PRKAR1A: variants seen among roughly 807,000 people sequenced by gnomAD.
PRKAR1A encodes the protein cAMP-dependent protein kinase type I-alpha regulatory subunit.
PRKAR1A carries 3 observed loss-of-function variants against 52.0 expected under a neutral mutation model. The observed-to-expected ratio is 0.06, with a 90% CI of 0.03 to 0.15. PRKAR1A has a LOEUF of 0.15. PRKAR1A is among the 10% of genes least tolerant of loss of function. PRKAR1A has a pLI of 1.00. For missense variants in PRKAR1A, 240 were observed against 477.4 expected, an observed-to-expected ratio of 0.50 and a Z score of 4.63; for synonymous variants, 188 against 168.4, an observed-to-expected ratio of 1.12 and a Z score of -0.90.
chr17:68,470,410 C>T, the PRKAR1A span, among the ~76,000 whole-genome samples: 17 of 152,294 alleles, frequency 1.1e-4, no homozygotes, highest in African/African-American at 3.6e-4. Context: ...ATAGTTTTGA[C>T]TTCATAGATG....
At chr17:68,432,582 T>C in the PRKAR1A span, among the ~76,000 whole-genome samples, 20 of 152,120 alleles carry the variant, frequency 1.3e-4, 1 homozygote, top group South Asian at 3.7e-3. Flanking sequence ...GTCATGTATG[T>C]GTTAGCATGT....
At chr17:68,472,487 T>G in the PRKAR1A span, among the ~76,000 whole-genome samples, 1 of 152,132 alleles carries the variant, frequency 6.6e-6, no homozygotes, top group Admixed American at 6.5e-5. Flanking sequence ...AAACGTAGGG[T>G]TTCCTGTCCA....
In PRKAR1A at chr17:68,530,899, A is replaced by G. The variant is rs1568704681; in HGVS notation, c.*450A>G. ...AATAAATGGTTTCTCATTAAACTCT[A>G]AAGATTAGGGAAAATGGATATAGAA... On this transcript the variant is annotated 3_prime_UTR_variant, in exon 11 of 11. Transcript: ENST00000589228. 2.7e-6 allele frequency: 3 copies of G among 1,125,568 alleles called. No homozygotes were observed. Among genetic ancestry groups the G allele is most frequent in the Middle Eastern group, 3.9e-4 (1 of 2,586 alleles). The allele number at this position is 1,125,568 out of a possible 1,614,324, so 69.7% of individuals were successfully genotyped here. A position where few individuals can be genotyped will look rare whatever the true frequency, so the allele number is the denominator to read the frequency against.
At chr17:68,452,556 C>T in the PRKAR1A span, among the ~76,000 whole-genome samples, 1 of 152,108 alleles carries the variant, frequency 6.6e-6, no homozygotes, top group Non-Finnish European at 1.5e-5. Context: ...TAGAGCAAGA[C>T]TCCATCTCAA....
rs1333110264 is a variant in PRKAR1A, at chr17:68,512,473, G to A, written c.-82G>A. On this transcript the variant is annotated 5_prime_UTR_variant, in exon 1 of 11. Transcript: ENST00000589228. Reference sequence around the variant, plus strand: ...CTATCGCAGAGTGGAGCGGGGCTGGGAGCAAAGCGCTGAGGGAGCTCGGTA... The same window carrying A: ...CTATCGCAGAGTGGAGCGGGGCTGGAAGCAAAGCGCTGAGGGAGCTCGGTA... 1.3e-5 allele frequency: 2 copies of A among 153,706 alleles called. No homozygotes were observed. The highest frequency in any genetic ancestry group is 4.8e-5 in the African/African-American group (2 of 41,456). The allele number at this position is 153,706 out of a possible 1,614,324, so 9.5% of individuals were successfully genotyped here.
At chr17:68,465,082 CG>C in the PRKAR1A span, among the ~76,000 whole-genome samples, 36,370 of 131,716 alleles carry the variant, frequency 0.28, 4,847 homozygotes, top group South Asian at 0.34. Context: ...CCCGCCACCA[CG>C]CCCGGCTAAT....
At chr17:68,499,368 A>AAGAGAGAGAGAGAG in the PRKAR1A span, among the ~76,000 whole-genome samples, 723 of 140,368 alleles carry the variant, frequency 5.2e-3, 4 homozygotes, top group Middle Eastern at 0.012. Context: ...AAGGGAGGAA[A>AAGAGAGAGAGAGAG]AGAGAGAGAG....
the PRKAR1A span, among the ~76,000 whole-genome samples, chr17:68,504,258 A>T: frequency 1.3e-5 from 2 of 151,956 alleles, no homozygotes; most frequent in Non-Finnish European, 2.9e-5. Flanking sequence ...TGAGGTCAGG[A>T]GTTTGAGACC....
intron 11 of PRKAR1A, among the ~76,000 whole-genome samples, chr17:68,550,872 A>G (rs1296124875): frequency 6.6e-6 from 1 of 152,210 alleles, no homozygotes; most frequent in Non-Finnish European, 1.5e-5. Flanking sequence ...GCTTTCGCCA[A>G]AGCAGTTGGG....
At chr17:68,450,650 G>T in the PRKAR1A span, 1 of 1,503,354 alleles carries the variant, frequency 6.7e-7, no homozygotes, top group South Asian at 1.3e-5. Context: ...TACAGACATT[G>T]ATCTTGAAAG....
intron 3 of PRKAR1A, among the ~76,000 whole-genome samples, chr17:68,523,188 G>A (rs1370032773): frequency 4.6e-5 from 7 of 152,060 alleles, no homozygotes; most frequent in Admixed American, 3.9e-4. Flanking sequence ...GGAGGTGGGC[G>A]GTATTGCTTT....
chr17:68,424,337 A>G, the PRKAR1A span: 1,483 of 477,304 alleles, frequency 3.1e-3, 28 homozygotes, highest in African/African-American at 0.027. Flanking sequence ...CAACAGCCCC[A>G]GCCCTGCATG....
At chr17:68,505,615 C>T in the PRKAR1A span, among the ~76,000 whole-genome samples, 9 of 152,084 alleles carry the variant, frequency 5.9e-5, no homozygotes, top group Admixed American at 2.0e-4. Flanking sequence ...GAGTTTGAGA[C>T]CAGCCTGGGC....
chr17:68,414,259 A>T, the PRKAR1A span: 1 of 152,234 alleles, frequency 6.6e-6, no homozygotes, highest in African/African-American at 2.4e-5. Context: ...CTTTTACTGC[A>T]TCTATTGAGA....
Position 68,531,040 on chromosome 17 carries a change from G to A in PRKAR1A, c.*591G>A. ...GATTGGTTCAGTTTTTTTTTTTCCA[G>A]AGTTGTTGTTTGCCAAGCTAATCTG... On this transcript the variant is annotated 3_prime_UTR_variant, in exon 11 of 11. Transcript: ENST00000589228. 9.4e-7 allele frequency: 1 copy of A among 1,066,614 alleles called. No homozygotes were observed. Among genetic ancestry groups the A allele is most frequent in the Non-Finnish European group, 1.1e-6 (1 of 880,300 alleles). The allele number at this position is 1,066,614 out of a possible 1,614,324, so 66.1% of individuals were successfully genotyped here.
chr17:68,424,532 G>C, the PRKAR1A span: 1 of 533,338 alleles, frequency 1.9e-6, no homozygotes, highest in South Asian at 1.4e-5. Flanking sequence ...CAGTGCCCAA[G>C]TGGCAGCTCC....
At position 68,530,691 on chromosome 17, in the gene PRKAR1A, G is replaced by A; in HGVS notation, c.*242G>A. 7.1e-7 allele frequency: 1 copy of A among 1,411,420 alleles called. No homozygotes were observed. The highest frequency in any genetic ancestry group is 9.3e-7 in the Non-Finnish European group (1 of 1,080,806). 87.4% of individuals were successfully genotyped at this position (1,411,420 alleles called of 1,614,324 possible). A position where few individuals can be genotyped will look rare whatever the true frequency, so the allele number is the denominator to read the frequency against. ...GACTTTGCTGTTACTGCTTCTCTTT[G>A]TGCAGTGTTAGTATTCACCCTGGGC... is the stretch of plus-strand genomic sequence containing the variant. On this transcript the variant is annotated 3_prime_UTR_variant, in exon 11 of 11. Transcript: ENST00000589228.
chr17:68,486,623 C>A, the PRKAR1A span, among the ~76,000 whole-genome samples: 1 of 147,858 alleles, frequency 6.8e-6, no homozygotes, highest in Non-Finnish European at 1.5e-5. Context: ...CTCCTTCCTC[C>A]TTCTCCTTCT....
In PRKAR1A at chr17:68,532,113, A is replaced by AC. The variant is rs1374175792; in HGVS notation, c.*1666dup. ...ACATTTTAGGGTGGGTAAGAAAGCC[A>AC]CCTTGTTACAAATTTTTTAATTTCC... On this transcript the variant is annotated 3_prime_UTR_variant, in exon 11 of 11. Transcript: ENST00000589228. 9.4e-7 allele frequency: 1 copy of AC among 1,064,122 alleles called. No homozygotes were observed. The highest frequency in any genetic ancestry group is 1.6e-5 in the African/African-American group (1 of 61,042). 65.9% of individuals were successfully genotyped at this position (1,064,122 alleles called of 1,614,324 possible).
Sources: gnomAD v4.1 joint callset for allele counts (sites outside exome capture counted in the v4.1 genomes callset) on GRCh38, gnomAD v4.1.1 for gene constraint, MANE v1.5 for transcripts, NCBI Gene and HGNC (gene_info 2026-07-23, HGNC 2026-07-21) for gene names.